PPFIA2: variants seen among roughly 807,000 people sequenced by gnomAD.
PPFIA2 encodes liprin-alpha-2.
PPFIA2 carries 46 observed loss-of-function variants against 175.5 expected under a neutral mutation model. The ratio of observed to expected loss-of-function variants is 0.26; its 90% confidence interval spans 0.21 to 0.34. The LOEUF (loss-of-function observed/expected upper bound fraction) is 0.34, where lower values mean the gene tolerates loss of function less well. Among genes scored for constraint, PPFIA2 ranks in the 10% least tolerant of loss-of-function variants. PPFIA2 has a pLI of 1.00. For synonymous variants in PPFIA2, 568 were observed against 511.4 expected (o/e 1.11, Z -1.49); for missense variants, 1,179 against 1,506.1 (o/e 0.78, Z 3.60).
intron 3 of PPFIA2, among the ~76,000 whole-genome samples, chr12:81,706,582 T>A (rs1451089608): frequency 1.3e-5 from 2 of 152,198 alleles, no homozygotes; most frequent in African/African-American, 4.8e-5. Context: ...AAAGTCTAAA[T>A]AAACATCAGG....
intron 6 of PPFIA2, among the ~76,000 whole-genome samples, chr12:81,440,377 C>A (rs559432983): frequency 5.3e-5 from 8 of 152,020 alleles, no homozygotes. Flanking sequence ...ATGAATTCAT[C>A]TAAAAAATAG....
intron 22 of PPFIA2, among the ~76,000 whole-genome samples, chr12:81,309,863 TG>T (rs1164257672): frequency 1.3e-5 from 2 of 152,002 alleles, no homozygotes; most frequent in East Asian, 3.8e-4. Flanking sequence ...AATACCCCCC[TG>T]ACACACACAC....
chr12:81,614,135 C>A (rs1253811718), intron 4 of PPFIA2, among the ~76,000 whole-genome samples: 1 of 151,970 alleles, frequency 6.6e-6, no homozygotes, highest in East Asian at 1.9e-4. Flanking sequence ...TAGGGACATG[C>A]CCCTTTGCAT....
chr12:81,546,999 C>A (rs2067105480), intron 4 of PPFIA2, among the ~76,000 whole-genome samples: 1 of 151,956 alleles, frequency 6.6e-6, no homozygotes, highest in East Asian at 1.9e-4. Context: ...CTAAGCCTGG[C>A]AGTGAGAAGC....
intron 4 of PPFIA2, among the ~76,000 whole-genome samples, chr12:81,460,870 AT>A (rs1314745275): frequency 6.6e-6 from 1 of 152,090 alleles, no homozygotes; most frequent in African/African-American, 2.4e-5. Flanking sequence ...AGTTAAGTAC[AT>A]TGTGCAAAGT....
intron 5 of PPFIA2, among the ~76,000 whole-genome samples, chr12:81,447,644 A>T (rs1240170299): frequency 6.6e-6 from 1 of 152,066 alleles, no homozygotes; most frequent in Non-Finnish European, 1.5e-5. Flanking sequence ...ATTTAAACAA[A>T]TTTTTCTACC....
chr12:81,320,922 T>C (rs1457266141), intron 22 of PPFIA2, among the ~76,000 whole-genome samples: 3 of 151,988 alleles, frequency 2.0e-5, no homozygotes, highest in Admixed American at 2.0e-4. Context: ...AGAGTAACAG[T>C]TGTCAGATAG....
chr12:81,454,503 TA>T (rs2053235390), intron 5 of PPFIA2, among the ~76,000 whole-genome samples: 1 of 152,318 alleles, frequency 6.6e-6, no homozygotes, highest in South Asian at 2.1e-4. Context: ...AAAACATTCA[TA>T]AAAACATTTA....
At chr12:81,538,623 C>T (rs1414004598) in intron 4 of PPFIA2, among the ~76,000 whole-genome samples, 1 of 151,896 alleles carries the variant, frequency 6.6e-6, no homozygotes, top group East Asian at 1.9e-4. Context: ...AAGAAGTGAA[C>T]ATGTGGATAT....
At chr12:81,368,282 T>C in intron 13 of PPFIA2, 2 of 621,304 alleles carry the variant, frequency 3.2e-6, no homozygotes, top group Non-Finnish European at 5.1e-6. Context: ...GGATTGATAC[T>C]AGTTCTTTTG....
At chr12:81,478,989 A>G (rs1457916351) in intron 4 of PPFIA2, among the ~76,000 whole-genome samples, 2 of 152,080 alleles carry the variant, frequency 1.3e-5, no homozygotes, top group African/African-American at 4.8e-5. Flanking sequence ...TTTCTGTCTC[A>G]TTGAGCTATT....
At chr12:81,758,322 G>A (rs968557238) in intron 2 of PPFIA2, 78 bp downstream of exon 2, 3 of 450,734 alleles carry the variant, frequency 6.7e-6, no homozygotes, top group African/African-American at 4.0e-5. Context: ...CATCTTCCCT[G>A]GGGGCGGGGT....
chr12:81,550,824 G>A (rs1379743846), intron 4 of PPFIA2, among the ~76,000 whole-genome samples: 1 of 151,774 alleles, frequency 6.6e-6, no homozygotes, highest in Non-Finnish European at 1.5e-5. Flanking sequence ...GAACTCTGGG[G>A]GGAAAATCTA....
At position 81,294,556 on chromosome 12, in the gene PPFIA2, A is replaced by C. The variant is rs756307597; in HGVS notation, c.2925+279T>G. On this transcript the variant is annotated intron_variant, in intron 24 of 32. Coordinates refer to ENST00000549396, the MANE Select transcript of PPFIA2 (RefSeq NM_003625.5). ...AACGAAGGAAGGAAGGAATTGAAAA[A>C]AGAGTAAGCTCAGGGTCTTGTCGCT... 14 of 317,130 alleles carry C rather than the reference A, an allele frequency of 4.4e-5. No homozygotes were observed. In the East Asian group the frequency reaches 8.9e-4, roughly 20 times the overall value. The allele number at this position is 317,130 out of a possible 1,614,324, so 19.6% of individuals were successfully genotyped here. A position where few individuals can be genotyped will look rare whatever the true frequency, so the allele number is the denominator to read the frequency against.
At chr12:81,511,305 G>T (rs2061766599) in intron 4 of PPFIA2, among the ~76,000 whole-genome samples, 1 of 152,086 alleles carries the variant, frequency 6.6e-6, no homozygotes, top group Non-Finnish European at 1.5e-5. Flanking sequence ...GACACTTTGT[G>T]ATGGGTGTGT....
intron 3 of PPFIA2, among the ~76,000 whole-genome samples, 198 bp from the exon 4 acceptor site, chr12:81,677,042 A>G (rs2072664290): frequency 6.6e-6 from 1 of 152,026 alleles, no homozygotes; most frequent in Non-Finnish European, 1.5e-5. Context: ...CAACTCTGGA[A>G]GTCTATAAAA....
chr12:81,580,879 C>T (rs985810187), intron 4 of PPFIA2, among the ~76,000 whole-genome samples: 1 of 151,574 alleles, frequency 6.6e-6, no homozygotes, highest in African/African-American at 2.4e-5. Flanking sequence ...TATTTTTTTC[C>T]TTAAGGAACT....
rs751417397 is a variant in PPFIA2 at position 81,439,967 on chromosome 12, G to C, written c.645+5C>G. 11 of 1,605,646 alleles carry C rather than the reference G, an allele frequency of 6.9e-6. No individual in the cohort carries two copies. Among genetic ancestry groups the C allele is most frequent in the Non-Finnish European group, 9.3e-6 (11 of 1,176,738 alleles). On this transcript the variant is annotated splice_donor_5th_base_variant and intron_variant, in intron 7 of 32. Transcript: ENST00000549396. ...CTCAAAAGAGGAGAAAGTGTGGCAGGTTACCTCCTGATTAGCAGCAGCTAG... is the reference window on the plus strand; with the variant it reads ...CTCAAAAGAGGAGAAAGTGTGGCAGCTTACCTCCTGATTAGCAGCAGCTAG...
chr12:81,362,606 T>G (rs2031291150), intron 15 of PPFIA2, 87 bp downstream of exon 15: 3 of 837,606 alleles, frequency 3.6e-6, no homozygotes, highest in Non-Finnish European at 5.6e-6. Flanking sequence ...GAAGTACTGA[T>G]TTATTTTAGT....
Sources: allele counts gnomAD v4.1 joint callset (sites outside exome capture counted in the v4.1 genomes callset), GRCh38; gene constraint gnomAD v4.1.1; transcripts MANE v1.5; gene names NCBI Gene and HGNC (gene_info 2026-07-23, HGNC 2026-07-21).